Variants in FGF14 observed in about 807,000 individuals in gnomAD.
FGF14 encodes the protein fibroblast growth factor homologous factor 4.
FGF14 carries 5 observed loss-of-function variants against 25.5 expected under a neutral mutation model. That is an observed-to-expected ratio of 0.20 (90% CI 0.10 to 0.41). The LOEUF (loss-of-function observed/expected upper bound fraction) is 0.41, where lower values mean the gene tolerates loss of function less well. Ranked by LOEUF, FGF14 falls within the 10% of genes least tolerant of loss-of-function variation. FGF14 has a pLI of 1.00. For missense variants in FGF14, 222 were observed against 320.1 expected (o/e 0.69, Z 2.34); for synonymous variants, 138 against 118.3 (o/e 1.17, Z -1.08).
At chr13:102,067,542 C>A (rs2042953643) in intron 1 of FGF14, among the ~76,000 whole-genome samples, 1 of 151,508 alleles carries the variant, frequency 6.6e-6, no homozygotes, top group South Asian at 2.1e-4. Context: ...ACTTCAGTGA[C>A]CTTCCCAAGA....
intron 1 of FGF14, among the ~76,000 whole-genome samples, chr13:101,925,728 C>CA (rs2034317536): frequency 6.6e-6 from 1 of 152,180 alleles, no homozygotes; most frequent in African/African-American, 2.4e-5. Context: ...GTGTAAGTTT[C>CA]ATATTGCTTC....
intron 1 of FGF14, among the ~76,000 whole-genome samples, chr13:101,886,304 A>G (rs2045984873): frequency 6.6e-6 from 1 of 152,196 alleles, no homozygotes; most frequent in African/African-American, 2.4e-5. Context: ...CTACAAAGCC[A>G]TAGTAACTAA....
intron 1 of FGF14, among the ~76,000 whole-genome samples, chr13:102,039,225 T>C (rs2041615637): frequency 6.6e-6 from 1 of 152,198 alleles, no homozygotes; most frequent in Non-Finnish European, 1.5e-5. Context: ...GAGCCACTCA[T>C]ATTTTCCCAT....
At chr13:102,124,369 AG>A (rs1209623796) in intron 1 of FGF14, among the ~76,000 whole-genome samples, 1 of 139,136 alleles carries the variant, frequency 7.2e-6, no homozygotes, top group Non-Finnish European at 1.5e-5. Context: ...CCACCAAAAT[AG>A]AGATGATTAT....
chr13:101,840,395 C>T (rs961878461), intron 3 of FGF14, among the ~76,000 whole-genome samples: 3 of 151,646 alleles, frequency 2.0e-5, no homozygotes, highest in African/African-American at 7.3e-5. Flanking sequence ...TTCTCAGTTA[C>T]TTAAAACAGA....
At chr13:101,791,551 T>C (rs2040232571) in intron 3 of FGF14, among the ~76,000 whole-genome samples, 1 of 152,136 alleles carries the variant, frequency 6.6e-6, no homozygotes, top group African/African-American at 2.4e-5. Context: ...TACTTTCAAC[T>C]CCTTTCTCCA....
chr13:102,068,343 G>A (rs929844115), intron 1 of FGF14, among the ~76,000 whole-genome samples: 15 of 152,238 alleles, frequency 9.9e-5, no homozygotes, highest in African/African-American at 1.9e-4. Context: ...CGCTCTCGGC[G>A]CCTCCTCTGC....
At chr13:102,154,082 T>C (rs2047208466) in intron 1 of FGF14, among the ~76,000 whole-genome samples, 1 of 152,174 alleles carries the variant, frequency 6.6e-6, no homozygotes, top group South Asian at 2.1e-4. Flanking sequence ...TCCACGAGAA[T>C]AACAACAATG....
chr13:102,294,252 C>T (rs1362297680), intron 1 of FGF14, among the ~76,000 whole-genome samples: 1 of 152,124 alleles, frequency 6.6e-6, no homozygotes, highest in Non-Finnish European at 1.5e-5. Context: ...TTTTCTATGA[C>T]TTTTTAACAA....
At chr13:102,298,855 T>C (rs1291959230) in intron 1 of FGF14, among the ~76,000 whole-genome samples, 2 of 152,142 alleles carry the variant, frequency 1.3e-5, no homozygotes, top group African/African-American at 2.4e-5. Flanking sequence ...TTCTTCAAAA[T>C]TAAGTGACTC....
At chr13:101,873,076 T>C (rs2045203042) in intron 2 of FGF14, among the ~76,000 whole-genome samples, 1 of 152,088 alleles carries the variant, frequency 6.6e-6, no homozygotes, top group Admixed American at 6.6e-5. Flanking sequence ...GAGTGTTTTT[T>C]AGTATCTCAG....
chr13:102,210,937 G>T (rs921727211), intron 1 of FGF14, among the ~76,000 whole-genome samples: 1 of 152,120 alleles, frequency 6.6e-6, no homozygotes, highest in Admixed American at 6.6e-5. Flanking sequence ...TTATTGTCAT[G>T]AGGTAACTCT....
At chr13:102,028,136 C>G (rs953989852) in intron 1 of FGF14, among the ~76,000 whole-genome samples, 1 of 152,074 alleles carries the variant, frequency 6.6e-6, no homozygotes, top group Non-Finnish European at 1.5e-5. Flanking sequence ...GAAAGCGTGT[C>G]TTTCAAAAGA....
At chr13:101,950,918 A>G (rs1248361890) in intron 1 of FGF14, among the ~76,000 whole-genome samples, 1 of 152,176 alleles carries the variant, frequency 6.6e-6, no homozygotes, top group East Asian at 1.9e-4. Flanking sequence ...CTTACTCTTT[A>G]AAGAAAAGTG....
intron 1 of FGF14, among the ~76,000 whole-genome samples, chr13:101,901,045 C>T (rs2031481084): frequency 6.6e-6 from 1 of 151,778 alleles, no homozygotes; most frequent in Non-Finnish European, 1.5e-5. Context: ...AAAAGAAATG[C>T]CTTTTAGAGG....
chr13:102,239,960 T>C (rs1027515213), intron 1 of FGF14, among the ~76,000 whole-genome samples: 1 of 152,184 alleles, frequency 6.6e-6, no homozygotes, highest in Non-Finnish European at 1.5e-5. Context: ...ACAAGATAAA[T>C]GCAAAGGATA....
At chr13:101,759,542 G>T (rs968535314) in intron 3 of FGF14, among the ~76,000 whole-genome samples, 1 of 152,128 alleles carries the variant, frequency 6.6e-6, no homozygotes, top group African/African-American at 2.4e-5. Context: ...CCGACCCATT[G>T]TTACGATTCT....
intron 1 of FGF14, among the ~76,000 whole-genome samples, chr13:101,959,047 A>G (rs1343919677): frequency 6.6e-6 from 1 of 152,124 alleles, no homozygotes; most frequent in East Asian, 1.9e-4. Flanking sequence ...CAAACCTTCA[A>G]TCTTCTAATG....
intron 3 of FGF14, among the ~76,000 whole-genome samples, chr13:101,774,263 G>A (rs528437805): frequency 6.3e-4 from 96 of 152,188 alleles, no homozygotes; most frequent in African/African-American, 2.2e-3. Context: ...AGGAGCAGAT[G>A]GTGACCACTG....
Sources: gnomAD v4.1 joint callset for allele counts (sites outside exome capture counted in the v4.1 genomes callset) on GRCh38, gnomAD v4.1.1 for gene constraint, MANE v1.5 for transcripts, NCBI Gene and HGNC (gene_info 2026-07-23, HGNC 2026-07-21) for gene names.